Variants in PHC3 observed in about 807,000 individuals in gnomAD.
PHC3 encodes polyhomeotic homolog 3.
PHC3 carries 13 observed loss-of-function variants against 107.4 expected under a neutral mutation model. That is an observed-to-expected ratio of 0.12 (90% CI 0.08 to 0.19). The LOEUF (loss-of-function observed/expected upper bound fraction) is 0.19, where lower values mean the gene tolerates loss of function less well. Among genes scored for constraint, PHC3 ranks in the 10% least tolerant of loss-of-function variants. PHC3 has a pLI of 1.00. For missense variants in PHC3, 992 were observed against 1,210.9 expected (o/e 0.82, Z 2.68); for synonymous variants, 456 against 427.4 (o/e 1.07, Z -0.83).
rs984426767 is a variant in PHC3 at position 170,164,093 on chromosome 3, T to G, written c.414+7280A>C. 2.0e-5 allele frequency among the ~76,000 whole-genome samples: 3 copies of G among 151,608 alleles called. 1 individual carries two copies. The South Asian group carries it at 6.3e-4, about 32-fold the overall frequency. ...GGCATGCACCCATAGTCCCAACTACTCAGTAGGCTGAGGCAGGAGAATTGC... is the reference window on the plus strand; with the variant it reads ...GGCATGCACCCATAGTCCCAACTACGCAGTAGGCTGAGGCAGGAGAATTGC... On this transcript the variant is annotated intron_variant, in intron 4 of 14. Transcript: ENST00000495893.
chr3:170,160,664 G>A (rs1727737593), intron 4 of PHC3, among the ~76,000 whole-genome samples: 2 of 152,192 alleles, frequency 1.3e-5, no homozygotes, highest in African/African-American at 2.4e-5. Context: ...ACTTTGGGAG[G>A]CCAAAACAGG....
chr3:170,122,181 AG>A (rs1720478621), intron 9 of PHC3, among the ~76,000 whole-genome samples: 1 of 152,236 alleles, frequency 6.6e-6, no homozygotes, highest in African/African-American at 2.4e-5. Context: ...CCCAGGAGAT[AG>A]GGGCTACAAT....
chr3:170,102,743 T>C, intron 13 of PHC3, 33 bp from the exon 14 acceptor site: 1 of 1,613,424 alleles, frequency 6.2e-7, no homozygotes, highest in South Asian at 1.1e-5. Context: ...AATACAGCAT[T>C]GCACTTTCCT....
At chr3:170,126,528 A>ATATATATTTTT (rs370421296) in intron 8 of PHC3, among the ~76,000 whole-genome samples, 5 of 90,620 alleles carry the variant, frequency 5.5e-5, no homozygotes, top group African/African-American at 1.8e-4. Flanking sequence ...ATATATATAT[A>ATATATATTTTT]TTTTTTTTTT....
At chr3:170,114,766 T>A (rs183088510) in intron 10 of PHC3, among the ~76,000 whole-genome samples, 10 of 152,334 alleles carry the variant, frequency 6.6e-5, no homozygotes, top group Admixed American at 5.2e-4. Context: ...GACTAGAACA[T>A]CTTATTCCTC....
chr3:170,171,251 A>T (rs1227159254), intron 4 of PHC3, 122 bp downstream of exon 4: 2 of 660,030 alleles, frequency 3.0e-6, no homozygotes, highest in African/African-American at 3.8e-5. Flanking sequence ...TTTCTGGGCA[A>T]TTGTTACTTT....
In PHC3 at chr3:170,093,934, C is replaced by G. The variant is rs1714375279; in HGVS notation, c.*3296G>C. The G allele has an allele frequency of 1.3e-5, 2 of 152,144 alleles. No homozygotes were observed. Among genetic ancestry groups the G allele is most frequent in the African/African-American group, 4.8e-5 (2 of 41,420 alleles). The allele number at this position is 152,144 out of a possible 1,614,324, so 9.4% of individuals were successfully genotyped here. On this transcript the variant is annotated 3_prime_UTR_variant, in exon 15 of 15. Coordinates refer to ENST00000495893, the MANE Select transcript of PHC3 (RefSeq NM_024947.4). Reference sequence around the variant, plus strand: ...AAACATGAATTTCACTTCAAAAGTGCAGAAATGTGCTCAGTGTTGAAGTAG... The same window carrying G: ...AAACATGAATTTCACTTCAAAAGTGGAGAAATGTGCTCAGTGTTGAAGTAG...
Position 170,129,058 on chromosome 3 carries a change from C to G in PHC3, c.1414G>C (p.Ala472Pro), listed in dbSNP as rs1471815453. 4.3e-6 allele frequency: 7 copies of G among 1,611,844 alleles called. No homozygotes were observed. In the East Asian group the frequency reaches 6.7e-5, roughly 15 times the overall value. The stretch of plus-strand genomic sequence containing the variant: ...GGGCCAATGTGTACAACAGGGGAAG[C>G]TGGAAGTGGAAGATGGGATGGAAGA... ...LNLPSHLPLP[A>P]SPVVHIGPVQ... is the part of the protein sequence containing the mutation. The change falls in exon 8 of 15, where the codon GCT (alanine) becomes CCT (proline). Residue 472 changes from alanine to proline, a missense_variant. Transcript: ENST00000495893.
chr3:170,163,461 A>AGTGTGTGAGTGT (rs1728225897), intron 4 of PHC3, among the ~76,000 whole-genome samples: 3 of 146,216 alleles, frequency 2.1e-5, no homozygotes, highest in African/African-American at 7.6e-5. Flanking sequence ...TTTAGTAAAG[A>AGTGTGTGAGTGT]GTGTGTGTGT....
intron 7 of PHC3, among the ~76,000 whole-genome samples, chr3:170,132,136 T>C (rs1183794218): frequency 6.6e-6 from 1 of 152,242 alleles, no homozygotes; most frequent in East Asian, 1.9e-4. Context: ...AACATCTTAT[T>C]GTCAGGATGG....
chr3:170,177,283 C>G (rs1455376195), intron 2 of PHC3, among the ~76,000 whole-genome samples: 1 of 152,180 alleles, frequency 6.6e-6, no homozygotes, highest in Non-Finnish European at 1.5e-5. Flanking sequence ...CATACTGTAG[C>G]AGCACCTAGA....
chr3:170,117,858 A>C (rs1312701126), intron 9 of PHC3, among the ~76,000 whole-genome samples: 1 of 151,474 alleles, frequency 6.6e-6, no homozygotes, highest in African/African-American at 2.4e-5. Flanking sequence ...AAAAAAAAAA[A>C]CAAAATTAGC....
chr3:170,175,566 G>T (rs1474737244), intron 2 of PHC3, among the ~76,000 whole-genome samples: 3 of 151,450 alleles, frequency 2.0e-5, no homozygotes, highest in African/African-American at 4.9e-5. Flanking sequence ...AGCCCAGGGG[G>T]TCGTGAGTTG....
chr3:170,166,533 T>C (rs987774453), intron 4 of PHC3, among the ~76,000 whole-genome samples: 1 of 152,172 alleles, frequency 6.6e-6, no homozygotes, highest in Non-Finnish European at 1.5e-5. Flanking sequence ...TTTTAACTAA[T>C]CCTCAATTAA....
At position 170,128,758 on chromosome 3, in the gene PHC3, G is replaced by C. The variant is rs774082320; in HGVS notation, c.1714C>G (p.Gln572Glu). ...ACAGTCTGTGGAGGAGGAAGAGTCT[G>C]AAATGGCAACTGGACCAAAGCTTCT... The part of the protein sequence containing the change: ...AAEALVQLPF[Q>E]TLPPPQTVAV... The change falls in exon 8 of 15, where the codon CAG (glutamine) becomes GAG (glutamate). Residue 572 changes from glutamine (Q) to glutamate (E), a missense_variant. By Grantham distance (29) the Gln-to-Glu change is conservative (BLOSUM62 2). Coordinates refer to ENST00000495893, the MANE Select transcript of PHC3 (RefSeq NM_024947.4). The C allele has an allele frequency of 3.7e-6, 6 of 1,614,008 alleles. No individual in the cohort carries two copies. Among genetic ancestry groups the C allele is most frequent in the Non-Finnish European group, 4.2e-6 (5 of 1,179,872 alleles).
In PHC3 at chr3:170,136,470, G is replaced by A. The variant is rs1199650727; in HGVS notation, c.868C>T (p.Arg290Ter). The stretch of plus-strand genomic sequence containing the variant: ...GATGTCCGGGTGACAGCTGTGCTTC[G>A]TGATTCCAGGCTTGGGCTCTCTCCT... ...KKGESPSLES[R>*]STAVTRTSSI... Residue 290 changes from arginine to a stop codon, truncating the protein, a stop_gained, in exon 7 of 15, where the codon CGA becomes TGA. Coordinates refer to ENST00000495893, the MANE Select transcript of PHC3 (RefSeq NM_024947.4). LOFTEE classifies it high-confidence loss of function. 1 of 1,604,488 alleles carries A rather than the reference G, an allele frequency of 6.2e-7. No homozygotes were observed. Among genetic ancestry groups the A allele is most frequent in the Non-Finnish European group, 8.5e-7 (1 of 1,176,580 alleles).
At chr3:170,177,261 G>A (rs1338054917) in intron 2 of PHC3, among the ~76,000 whole-genome samples, 1 of 152,104 alleles carries the variant, frequency 6.6e-6, no homozygotes, top group African/African-American at 2.4e-5. Flanking sequence ...GGGGCTCTAG[G>A]TTGAATGCCT....
intron 11 of PHC3, among the ~76,000 whole-genome samples, chr3:170,112,190 A>G (rs147753878): frequency 8.9e-4 from 136 of 152,070 alleles, no homozygotes; most frequent in African/African-American, 2.3e-3. Flanking sequence ...CATTTTGGAT[A>G]CCACTTGGAC....
At position 170,129,379 on chromosome 3, in the gene PHC3, T is replaced by C. The variant is rs752460005; in HGVS notation, c.1093A>G (p.Ile365Val). Residue 365 changes from isoleucine to valine, a missense_variant, in exon 8 of 15, where the codon ATA (isoleucine) becomes GTA (valine). By Grantham distance (29) the Ile-to-Val change is conservative. Transcript: ENST00000495893. ...GGAAGGCCATGGTTCTGGAGTGGTA[T>C]ACAGTGCTGGGATGGGGGTGGGTCT... ...TQDPPPSQHC[I>V]PLQNHGLPPA... is the part of the protein sequence containing the mutation. The C allele has an allele frequency of 9.3e-6, 15 of 1,613,792 alleles. No individual in the cohort carries two copies. In the South Asian group the frequency reaches 1.1e-4, roughly 12 times the overall value.
Sources: gnomAD v4.1 joint callset for allele counts (sites outside exome capture counted in the v4.1 genomes callset) on GRCh38, gnomAD v4.1.1 for gene constraint, MANE v1.5 for transcripts, NCBI Gene and HGNC (gene_info 2026-07-23, HGNC 2026-07-21) for gene names.